The following EPS8 variants were observed in gnomAD, a reference collection of about 807,000 sequenced individuals.
EPS8 encodes epidermal growth factor receptor kinase substrate 8.
A neutral mutation model predicts 103.8 loss-of-function variants in EPS8; 42 were observed. That is an observed-to-expected ratio of 0.40 (90% CI 0.32 to 0.52). EPS8 has a LOEUF of 0.52. Ranked by LOEUF, EPS8 falls within the 20% of genes least tolerant of loss-of-function variation. The pLI, the probability that EPS8 is intolerant of heterozygous loss-of-function variation, is 0.40. For missense variants in EPS8, 969 were observed against 1,005.1 expected (o/e 0.96, Z 0.49); for synonymous variants, 344 against 344.6 (o/e 1.00, Z 0.02).
chr12:15,775,728 G>A (rs748207666), intron 1 of EPS8, among the ~76,000 whole-genome samples: 2 of 152,002 alleles, frequency 1.3e-5, no homozygotes, highest in African/African-American at 2.4e-5. Context: ...CAGTCCACAA[G>A]GATAAGAATG....
intron 18 of EPS8, among the ~76,000 whole-genome samples, chr12:15,627,681 T>C (rs1420110423): frequency 6.6e-6 from 1 of 152,244 alleles, no homozygotes; most frequent in Non-Finnish European, 1.5e-5. Context: ...GCTACTCCTT[T>C]TTCCTAGCCA....
At chr12:15,631,981 G>T (rs1464717175) in intron 17 of EPS8, among the ~76,000 whole-genome samples, 1 of 152,110 alleles carries the variant, frequency 6.6e-6, no homozygotes, top group East Asian at 1.9e-4. Context: ...GAGGCAGAAA[G>T]ATTTATAATT....
At chr12:15,744,506 G>A (rs1306796583) in intron 1 of EPS8, among the ~76,000 whole-genome samples, 1 of 152,198 alleles carries the variant, frequency 6.6e-6, no homozygotes, top group Admixed American at 6.5e-5. Context: ...AAGCACCATT[G>A]AGAAGGATTC....
chr12:15,651,598 T>C (rs1945416164), intron 13 of EPS8, among the ~76,000 whole-genome samples: 1 of 152,210 alleles, frequency 6.6e-6, no homozygotes, highest in South Asian at 2.1e-4. Context: ...ATCACAATCA[T>C]ATGGGTTCAT....
chr12:15,693,305 CA>C lies in EPS8; in HGVS notation c.-21-10334del, dbSNP rs1462453462. ...CAGGGTTGTCTTACTGTTTACTAAG[CA>C]TTTCATTTCATCTTTCACCCTCTGT... On this transcript the variant is annotated intron_variant, in intron 1 of 20. Transcript: ENST00000281172. This position sits in a 1 kb window ranked among gnomAD's most constrained non-coding sequence, Gnocchi z 5.6. Among the ~76,000 whole-genome samples, 2 of 152,198 alleles carry C rather than the reference CA, an allele frequency of 1.3e-5. No individual in the cohort carries two copies. The highest frequency in any genetic ancestry group is 2.9e-5 in the Non-Finnish European group (2 of 68,034).
chr12:15,686,552 A>C lies in EPS8; in HGVS notation c.-21-3580T>G, dbSNP rs949404926. 2.0e-5 allele frequency among the ~76,000 whole-genome samples: 3 copies of C among 152,328 alleles called. No individual in the cohort carries two copies. In the South Asian group the frequency reaches 6.2e-4, roughly 32 times the overall value. On this transcript the variant is annotated intron_variant, in intron 1 of 20. Transcript: ENST00000281172. Reference sequence around the variant, plus strand: ...GGCAATTAGAAGGATACAAATGATAAATTTAAGATCTAAGTTAAGCGAATG... The same window carrying C: ...GGCAATTAGAAGGATACAAATGATACATTTAAGATCTAAGTTAAGCGAATG...
At position 15,621,385 on chromosome 12, in the gene EPS8, G is replaced by T; in HGVS notation, c.2401C>A (p.Gln801Lys). Residue 801 changes from glutamine to lysine, a missense_variant, in exon 21 of 21, where the codon CAG becomes AAG. Gln to Lys is a moderately conservative substitution (Grantham distance 53). Coordinates refer to ENST00000281172, the MANE Select transcript of EPS8 (RefSeq NM_004447.6). ...SELQEIMRRR[Q>K]EKISAAASDS... ...CTAGCGGCAGCACTGATTTTTTCCT[G>T]TCGTCTTCTCATAATTTCTTGTAAC... The T allele has an allele frequency of 6.2e-7, 1 of 1,604,516 alleles. No individual in the cohort carries two copies. Among genetic ancestry groups the T allele is most frequent in the Non-Finnish European group, 8.5e-7 (1 of 1,176,250 alleles).
In EPS8 at chr12:15,665,891, T is replaced by C. The variant is rs574305629; in HGVS notation, c.601A>G (p.Met201Val). The C allele has an allele frequency of 2.0e-5, 32 of 1,613,196 alleles. No individual in the cohort carries two copies. The highest frequency in any genetic ancestry group is 2.5e-5 in the Non-Finnish European group (29 of 1,179,756). Residue 201 changes from methionine (M) to valine (V), a missense_variant and splice_region_variant, in exon 8 of 21, where the codon ATG becomes GTG. Coordinates refer to ENST00000281172, the MANE Select transcript of EPS8 (RefSeq NM_004447.6). ...KQKRRPDALR[M>V]ISNADPSIPP... The stretch of plus-strand genomic sequence containing the variant: ...ATACTAGGGTCTGCATTGGAAATCA[T>C]CCTTAAAAAGATGAAAACAAATAGA...
In EPS8 at chr12:15,650,722, C is replaced by A. The variant is rs911386185; in HGVS notation, c.1434+101G>T. 8.2e-5 allele frequency: 81 copies of A among 988,886 alleles called. No homozygotes were observed. The African/African-American group carries it at 1.3e-3, about 16-fold the overall frequency. The allele number at this position is 988,886 out of a possible 1,614,324, so 61.3% of individuals were successfully genotyped here. ...TAACATTCAGACTTTGATTCTAGAA[C>A]AATTTTCAGTTGAATAAAATGAGAA... is the stretch of plus-strand genomic sequence containing the variant. On this transcript the variant is annotated intron_variant, in intron 14 of 20. Transcript: ENST00000281172.
In EPS8 at chr12:15,701,920, C is replaced by T. The variant is rs903423528; in HGVS notation, c.-21-18948G>A. ...AAAGAGTTCAAACATCTGACTCTTA[C>T]AATATTTTGCTTTCAGTAGAAAGAC... On this transcript the variant is annotated intron_variant, in intron 1 of 20. Coordinates refer to ENST00000281172, the MANE Select transcript of EPS8 (RefSeq NM_004447.6). This position sits in a 1 kb window ranked among gnomAD's most constrained non-coding sequence, Gnocchi z 5.1. Among the ~76,000 whole-genome samples the T allele has an allele frequency of 6.6e-6, 1 of 152,146 alleles. No individual in the cohort carries two copies. Among genetic ancestry groups the T allele is most frequent in the South Asian group, 2.1e-4 (1 of 4,828 alleles).
Position 15,736,681 on chromosome 12 carries a change from A to T in EPS8, c.-22+52480T>A, listed in dbSNP as rs551278150. Among the ~76,000 whole-genome samples, 1 of 152,326 alleles carries T rather than the reference A, an allele frequency of 6.6e-6. No individual in the cohort carries two copies. Among genetic ancestry groups the T allele is most frequent in the Admixed American group, 6.5e-5 (1 of 15,300 alleles). ...GGAAGCTAGGGTTGCTAGATGTGGC[A>T]GAAAGAAGAAAGAAATTGGTGTATT... On this transcript the variant is annotated intron_variant, in intron 1 of 20. Transcript: ENST00000281172. This position sits in a 1 kb window ranked among gnomAD's most constrained non-coding sequence, Gnocchi z 4.2.
chr12:15,696,544 G>C lies in EPS8; in HGVS notation c.-21-13572C>G, dbSNP rs1299870322. On this transcript the variant is annotated intron_variant, in intron 1 of 20. Coordinates refer to ENST00000281172, the MANE Select transcript of EPS8 (RefSeq NM_004447.6). The surrounding 1 kb of genome is among the most constrained non-coding windows in gnomAD (Gnocchi z 4.8). ...TAATCCCAGCTACTCGGGAGGCTAA[G>C]GCAGAAGAATTGCTTGAACCCAGGA... Among the ~76,000 whole-genome samples, 1 of 152,088 alleles carries C rather than the reference G, an allele frequency of 6.6e-6. No homozygotes were observed. Among genetic ancestry groups the C allele is most frequent in the Admixed American group, 6.5e-5 (1 of 15,268 alleles).
Position 15,764,637 on chromosome 12 carries a change from A to G in EPS8, c.-22+24524T>C, listed in dbSNP as rs1348072635. ...GATAAAGTAATGTCTGAACCTCTGAAGCCAGAAATTATACTTTATCAATTT... is the reference window on the plus strand; with the variant it reads ...GATAAAGTAATGTCTGAACCTCTGAGGCCAGAAATTATACTTTATCAATTT... On this transcript the variant is annotated intron_variant, in intron 1 of 20. Coordinates refer to ENST00000281172, the MANE Select transcript of EPS8 (RefSeq NM_004447.6). This position sits in a 1 kb window ranked among gnomAD's most constrained non-coding sequence, Gnocchi z 4.1. 2.6e-5 allele frequency among the ~76,000 whole-genome samples: 4 copies of G among 152,204 alleles called. No homozygotes were observed. The highest frequency in any genetic ancestry group is 9.6e-5 in the African/African-American group (4 of 41,452).
chr12:15,676,426 T>C (rs1429161946), intron 3 of EPS8, among the ~76,000 whole-genome samples: 1 of 152,004 alleles, frequency 6.6e-6, no homozygotes, highest in East Asian at 1.9e-4. Flanking sequence ...CCCAGTCACA[T>C]GGAAAAAGCA....
intron 1 of EPS8, among the ~76,000 whole-genome samples, chr12:15,770,078 G>A (rs930810286): frequency 2.0e-5 from 3 of 151,572 alleles, no homozygotes; most frequent in Non-Finnish European, 4.4e-5. Context: ...AAGTAGCTGG[G>A]ACTACAGGCA....
chr12:15,668,220 T>C (rs921424902), intron 6 of EPS8, among the ~76,000 whole-genome samples: 3 of 152,152 alleles, frequency 2.0e-5, no homozygotes, highest in African/African-American at 7.2e-5. Context: ...TGCCAGTTCT[T>C]TTAGAAGAAG....
rs914697096 is a variant in EPS8, at chr12:15,620,374, G to C, written c.*943C>G. On this transcript the variant is annotated 3_prime_UTR_variant, in exon 21 of 21. Transcript: ENST00000281172. ...AAAAATAACATTTGTTGAAGGTTAG[G>C]TATCTTTCTTTTCTCTATGTGGAAT... The C allele has an allele frequency of 6.6e-6, 1 of 152,586 alleles. No homozygotes were observed. The highest frequency in any genetic ancestry group is 1.5e-5 in the Non-Finnish European group (1 of 68,022). 9.5% of individuals were successfully genotyped at this position (152,586 alleles called of 1,614,324 possible).
In EPS8 at chr12:15,693,227, A is replaced by G. The variant is rs1206384556; in HGVS notation, c.-21-10255T>C. On this transcript the variant is annotated intron_variant, in intron 1 of 20. Transcript: ENST00000281172. This position sits in a 1 kb window ranked among gnomAD's most constrained non-coding sequence, Gnocchi z 5.6. ...GGAAGTATCTTCCCATTCCATGTTT[A>G]GAGAATGTAAAGCTGACTGCCAAAA... Among the ~76,000 whole-genome samples the G allele has an allele frequency of 6.6e-6, 1 of 152,190 alleles. No homozygotes were observed. The highest frequency in any genetic ancestry group is 1.5e-5 in the Non-Finnish European group (1 of 68,028).
rs1039605688 is a variant in EPS8, at chr12:15,769,499, C to T, written c.-22+19662G>A. ...TTATTACTCAACTTTGGAAAAATTA[C>T]ACAAATATAAGACGCTCTTGTTGGC... On this transcript the variant is annotated intron_variant, in intron 1 of 20. Coordinates refer to ENST00000281172, the MANE Select transcript of EPS8 (RefSeq NM_004447.6). This position sits in a 1 kb window ranked among gnomAD's most constrained non-coding sequence, Gnocchi z 4.6. 6.6e-6 allele frequency among the ~76,000 whole-genome samples: 1 copy of T among 152,086 alleles called. No individual in the cohort carries two copies. The highest frequency in any genetic ancestry group is 6.6e-5 in the Admixed American group (1 of 15,264).
Sources: allele counts gnomAD v4.1 joint callset (sites outside exome capture counted in the v4.1 genomes callset), GRCh38; gene constraint gnomAD v4.1.1; non-coding constraint Gnocchi (gnomAD v3.1); transcripts MANE v1.5; gene names NCBI Gene and HGNC (gene_info 2026-07-23, HGNC 2026-07-21).